WARS2: variants seen among roughly 807,000 people sequenced by gnomAD.
WARS2 encodes tryptophanyl tRNA synthetase 2, mitochondrial.
In WARS2, 28 loss-of-function variants were observed where a neutral mutation model predicts 36.5. The ratio of observed to expected loss-of-function variants is 0.77; its 90% CI spans 0.57 to 1.05. The LOEUF is 1.05. WARS2 is among the 50% of genes least tolerant of loss of function. The pLI is 0.00. For missense variants in WARS2, 435 were observed against 456.8 expected (o/e 0.95, Z 0.44); for synonymous variants, 174 against 178.4 (o/e 0.98, Z 0.20).
intron 1 of WARS2, among the ~76,000 whole-genome samples, chr1:119,087,042 C>T (rs1246340107): frequency 6.6e-6 from 1 of 152,150 alleles, no homozygotes; most frequent in Non-Finnish European, 1.5e-5. Context: ...CACACCCACA[C>T]CTGTTCCATG....
chr1:119,105,710 G>A (rs1000937488), intron 1 of WARS2, among the ~76,000 whole-genome samples: 4 of 152,178 alleles, frequency 2.6e-5, no homozygotes, highest in South Asian at 2.1e-4. Flanking sequence ...CCAGGAGTTC[G>A]AGACCAGCCT....
At position 119,115,726 on chromosome 1, in the gene WARS2, A is replaced by G. The variant is rs12030901; in HGVS notation, c.90+24829T>C. Among the ~76,000 whole-genome samples, 98 of 152,306 alleles carry G rather than the reference A, an allele frequency of 6.4e-4. 1 individual carries two copies. In the East Asian group the frequency reaches 0.018, roughly 28 times the overall value. ...TCAAAACTAAACCATGAATGTGGTA[A>G]TCTGGTTCAAATCGATCTTCTGGTT... is the stretch of plus-strand genomic sequence containing the variant. On this transcript the variant is annotated intron_variant, in intron 1 of 5. Transcript: ENST00000235521.
chr1:119,077,033 G>T (rs1651794343), intron 1 of WARS2, among the ~76,000 whole-genome samples: 1 of 151,294 alleles, frequency 6.6e-6, no homozygotes, highest in Admixed American at 6.6e-5. Context: ...AGCTACTCCG[G>T]AGGCTGAGGT....
At chr1:119,088,435 AACACAC>A (rs113752727) in intron 1 of WARS2, among the ~76,000 whole-genome samples, 33 of 149,062 alleles carry the variant, frequency 2.2e-4, no homozygotes, top group African/African-American at 6.7e-4. Flanking sequence ...GAAACACTGA[AACACAC>A]ACACACACAC....
At chr1:119,123,906 C>T (rs1348666624) in intron 1 of WARS2, among the ~76,000 whole-genome samples, 1 of 152,106 alleles carries the variant, frequency 6.6e-6, no homozygotes, top group Non-Finnish European at 1.5e-5. Flanking sequence ...ATGTACATCT[C>T]CATCTATACC....
chr1:119,035,724 T>C (rs1647821484), intron 4 of WARS2, among the ~76,000 whole-genome samples: 1 of 152,294 alleles, frequency 6.6e-6, no homozygotes, highest in Admixed American at 6.5e-5. Context: ...CTGATATGCA[T>C]AGAAAACTTA....
At chr1:119,124,841 G>A (rs879448508) in intron 1 of WARS2, among the ~76,000 whole-genome samples, 6 of 152,000 alleles carry the variant, frequency 3.9e-5, no homozygotes, top group African/African-American at 7.2e-5. Flanking sequence ...ACCTCCCCAC[G>A]TCCACCCTCC....
rs369240563 is a variant in WARS2, at chr1:119,108,299, G to A, written c.91-31692C>T. Among the ~76,000 whole-genome samples, 7 of 152,068 alleles carry A rather than the reference G, an allele frequency of 4.6e-5. No homozygotes were observed. The South Asian group carries it at 1.5e-3, about 32-fold the overall frequency. ...AAAACATCTACTAGAGTTCATCAGC[G>A]AACCCATCAAGGCCTGGTACTTTAT... On this transcript the variant is annotated intron_variant, in intron 1 of 5. Transcript: ENST00000235521.
chr1:119,094,453 G>T (rs1029885959), intron 1 of WARS2, among the ~76,000 whole-genome samples: 3 of 145,210 alleles, frequency 2.1e-5, no homozygotes, highest in Admixed American at 6.9e-5. Context: ...ATATGTGTTT[G>T]TTTTTTTTTT....
rs757138371 is a variant in WARS2, at chr1:119,131,890, T to C, written c.90+8665A>G. On this transcript the variant is annotated intron_variant, in intron 1 of 5. Transcript: ENST00000235521. The stretch of plus-strand genomic sequence containing the variant: ...GAGATTAACAAAGTCAGACTGATTC[T>C]AGGGGGTGTGGTGGGGGGCGGGAAG... Among the ~76,000 whole-genome samples, 3 of 151,576 alleles carry C rather than the reference T, an allele frequency of 2.0e-5. No homozygotes were observed. In the South Asian group the frequency reaches 6.3e-4, roughly 32 times the overall value.
intron 1 of WARS2, among the ~76,000 whole-genome samples, chr1:119,089,055 T>C (rs982236998): frequency 6.6e-6 from 1 of 152,212 alleles, no homozygotes; most frequent in Admixed American, 6.5e-5. Flanking sequence ...AATTCTTATA[T>C]ATAATGTATG....
chr1:119,112,453 A>G (rs2101505442), intron 1 of WARS2, among the ~76,000 whole-genome samples: 1 of 152,328 alleles, frequency 6.6e-6, no homozygotes, highest in Middle Eastern at 3.4e-3. Flanking sequence ...GATGCAGAAG[A>G]GAGAGAATAT....
chr1:119,126,672 G>A, intron 1 of WARS2: 1 of 722,054 alleles, frequency 1.4e-6, no homozygotes, highest in Non-Finnish European at 2.6e-6. Flanking sequence ...TTCAAACTAG[G>A]GCTTCCTCAG....
At chr1:119,103,409 G>C (rs898470092) in intron 1 of WARS2, among the ~76,000 whole-genome samples, 9 of 151,944 alleles carry the variant, frequency 5.9e-5, no homozygotes, top group Non-Finnish European at 1.5e-5. Context: ...AAGAGCTTTG[G>C]GCTTAATCAA....
rs931307582 is a variant in WARS2, at chr1:119,032,729, T to C, written c.*182A>G. 43 of 616,776 alleles carry C rather than the reference T, an allele frequency of 7.0e-5. No homozygotes were observed. Among genetic ancestry groups the C allele is most frequent in the Admixed American group, 2.0e-4 (6 of 29,920 alleles). The allele number at this position is 616,776 out of a possible 1,614,324, so 38.2% of individuals were successfully genotyped here. A position where few individuals can be genotyped will look rare whatever the true frequency, so the allele number is the denominator to read the frequency against. On this transcript the variant is annotated 3_prime_UTR_variant, in exon 6 of 6. Transcript: ENST00000235521. ...GTTGTTGTTCACAGCATTTTGTTGATGGGATTTGGAACACTGTCGTATTTC... is the reference window on the plus strand; with the variant it reads ...GTTGTTGTTCACAGCATTTTGTTGACGGGATTTGGAACACTGTCGTATTTC...
chr1:119,070,689 G>C (rs376701963), intron 2 of WARS2, among the ~76,000 whole-genome samples: 50 of 152,076 alleles, frequency 3.3e-4, no homozygotes, highest in Middle Eastern at 6.8e-3. Flanking sequence ...GCTGCAGTGA[G>C]CTATCACTCC....
intron 1 of WARS2, among the ~76,000 whole-genome samples, chr1:119,131,749 C>T (rs1460474359): frequency 6.6e-6 from 1 of 152,118 alleles, no homozygotes; most frequent in Non-Finnish European, 1.5e-5. Context: ...GCGTGAGCCA[C>T]AGCGCCGGCC....
At chr1:119,036,839 A>G (rs925743956) in intron 4 of WARS2, among the ~76,000 whole-genome samples, 2 of 152,128 alleles carry the variant, frequency 1.3e-5, no homozygotes, top group African/African-American at 4.8e-5. Flanking sequence ...CATCTGCCCC[A>G]TTGCTCCACT....
chr1:119,033,478 T>C (rs1647621073), intron 5 of WARS2, 119 bp from the exon 6 acceptor site: 1 of 1,284,466 alleles, frequency 7.8e-7, no homozygotes, highest in Admixed American at 1.9e-5. Flanking sequence ...TTTTCAACTT[T>C]ACAGTGGTGC....
Sources: gnomAD v4.1 joint callset for allele counts (sites outside exome capture counted in the v4.1 genomes callset) on GRCh38, gnomAD v4.1.1 for gene constraint, MANE v1.5 for transcripts, NCBI Gene and HGNC (gene_info 2026-07-23, HGNC 2026-07-21) for gene names.